MACF1: variants seen among roughly 807,000 people sequenced by gnomAD.
MACF1 encodes microtubule actin crosslinking factor 1, also known as microtubule-actin cross-linking factor 1.
Under a neutral mutation model 854.8 loss-of-function variants are expected in MACF1, and 193 were observed. The ratio of observed to expected loss-of-function variants is 0.23; its 90% confidence interval spans 0.20 to 0.25. The LOEUF is 0.25. Among genes scored for constraint, MACF1 ranks in the 10% least tolerant of loss-of-function variants. The probability of loss-of-function intolerance (pLI) is 1.00; values close to 1 mark genes in which losing one functional copy is unlikely to be tolerated. For synonymous variants in MACF1, 3,185 were observed against 3,226.7 expected (o/e 0.99, Z 0.44); for missense variants, 7,722 against 8,929.1 (o/e 0.86, Z 5.45).
At chr1:39,428,872 C>T (rs1643808794) in intron 63 of MACF1, among the ~76,000 whole-genome samples, 1 of 152,120 alleles carries the variant, frequency 6.6e-6, no homozygotes, top group Non-Finnish European at 1.5e-5. Context: ...TGATTTAAGT[C>T]AGTCTGTTCT....
At chr1:39,442,962 G>A (rs1026368046) in intron 78 of MACF1, 51 bp downstream of exon 78, 2 of 1,541,530 alleles carry the variant, frequency 1.3e-6, no homozygotes, top group African/African-American at 2.7e-5. Flanking sequence ...ATAACAGAAA[G>A]CCTATCTAAG....
At chr1:39,241,855 T>A (rs973667936) in intron 2 of MACF1, among the ~76,000 whole-genome samples, 3 of 152,120 alleles carry the variant, frequency 2.0e-5, no homozygotes, top group Non-Finnish European at 4.4e-5. Context: ...TCCAGCTAAG[T>A]GATCTTATAC....
chr1:39,186,204 CTCTCTCTCTCTGTG>C (rs1196065174), intron 2 of MACF1, among the ~76,000 whole-genome samples: 5 of 64,720 alleles, frequency 7.7e-5, no homozygotes, highest in African/African-American at 2.4e-4. Context: ...CTCTCTCTCT[CTCTCTCTCTCTGTG>C]TGTGTGTGTG....
chr1:39,332,925 C>A lies in MACF1; in HGVS notation c.6337C>A (p.Gln2113Lys), dbSNP rs2148470947. The change falls in exon 37 of 101, where the codon CAA becomes AAA. Residue 2113 changes from glutamine (Q) to lysine (K), a missense_variant. By Grantham distance (53) the Gln-to-Lys change is moderately conservative (BLOSUM62 1). Transcript: ENST00000564288. Reference protein sequence around the residue: ...LEVQRQLIGTQREDQTAVSVR... With the variant: ...LEVQRQLIGTKREDQTAVSVR... Reference sequence around the variant, plus strand: ...GGTACAAAGGCAGTTGATAGGTACCCAAAGGGAAGACCAAACAGCAGTGTC... The same window carrying A: ...GGTACAAAGGCAGTTGATAGGTACCAAAAGGGAAGACCAAACAGCAGTGTC... 1 of 1,613,976 alleles carries A rather than the reference C, an allele frequency of 6.2e-7. No individual in the cohort carries two copies. The highest frequency in any genetic ancestry group is 1.1e-5 in the South Asian group (1 of 91,050).
intron 26 of MACF1, among the ~76,000 whole-genome samples, chr1:39,311,826 G>T (rs2148437422): frequency 6.6e-6 from 1 of 152,266 alleles, no homozygotes; most frequent in Middle Eastern, 3.4e-3. Flanking sequence ...TGGTATGAGA[G>T]AGCTCTATGA....
At chr1:39,098,137 C>G (rs1641980981) in intron 2 of MACF1, among the ~76,000 whole-genome samples, 1 of 152,212 alleles carries the variant, frequency 6.6e-6, no homozygotes, top group Admixed American at 6.5e-5. Context: ...TAGCCTGATT[C>G]CTTCAAGAGT....
At chr1:39,410,820 G>A (rs1433433537) in intron 58 of MACF1, 2 of 1,613,812 alleles carry the variant, frequency 1.2e-6, no homozygotes, top group East Asian at 2.2e-5. Context: ...TGGACCACAG[G>A]GAACCTCAGT....
chr1:39,105,340 C>A lies in MACF1; in HGVS notation c.220+20902C>A. Reference sequence around the variant, plus strand: ...AGGAGGAGCCGCCGCCGCCGCCCGCCGCTGCAGCCGCGCCGGGGCGGGCTG... The same window carrying A: ...AGGAGGAGCCGCCGCCGCCGCCCGCAGCTGCAGCCGCGCCGGGGCGGGCTG... On this transcript the variant is annotated intron_variant, in intron 2 of 93. Transcript: ENST00000361689. The surrounding 1 kb of genome is among the most constrained non-coding windows in gnomAD (Gnocchi z 5.9). The A allele has an allele frequency of 1.1e-6, 1 of 930,746 alleles. No individual in the cohort carries two copies. The highest frequency in any genetic ancestry group is 1.3e-6 in the Non-Finnish European group (1 of 780,808). The allele number at this position is 930,746 out of a possible 1,614,324, so 57.7% of individuals were successfully genotyped here.
rs1275760963 is a variant in MACF1 at position 39,485,597 on chromosome 1, G to A, written c.22471G>A (p.Ala7491Thr). Residue 7491 changes from alanine (A) to threonine (T), a missense_variant, in exon 101 of 101, where the codon GCC becomes ACC. Physicochemically the swap from Ala to Thr is moderately conservative, Grantham distance 58. Around this residue, in one of 15 missense-constraint regions of MACF1, gnomAD observed 185 missense variants for 225.7 expected, o/e 0.82. Coordinates refer to ENST00000564288, the MANE Select transcript of MACF1 (RefSeq NM_001394062.1). ...SRAGSRAGSR[A>T]SSRRGSDASD... ...GGCTGGGAGTCGAGCCGGGAGTCGA[G>A]CCAGCAGCCGGCGAGGAAGTGACGC... is the stretch of plus-strand genomic sequence containing the variant. 2 of 1,613,998 alleles carry A rather than the reference G, an allele frequency of 1.2e-6. No individual in the cohort carries two copies. The highest frequency in any genetic ancestry group is 2.7e-5 in the African/African-American group (2 of 74,914).
At chr1:39,268,989 C>T (rs531157355) in intron 6 of MACF1, 10 of 1,287,050 alleles carry the variant, frequency 7.8e-6, no homozygotes, top group South Asian at 3.7e-5. Context: ...CCCCAACTCA[C>T]GGGTAGTCGA....
intron 58 of MACF1, among the ~76,000 whole-genome samples, chr1:39,388,920 C>T (rs1315745760): frequency 2.8e-5 from 4 of 143,526 alleles, no homozygotes; most frequent in Non-Finnish European, 4.5e-5. Context: ...TCTCTCTCAC[C>T]CAGGCTGGAG....
intron 52 of MACF1, among the ~76,000 whole-genome samples, chr1:39,374,540 A>G (rs1649544211): frequency 6.6e-6 from 1 of 152,192 alleles, no homozygotes; most frequent in Admixed American, 6.5e-5. Context: ...TTTTTCTATA[A>G]AGGGCCAGAT....
At chr1:39,440,882 A>G in intron 72 of MACF1, 121 bp from the exon 73 acceptor site, 1 of 887,506 alleles carries the variant, frequency 1.1e-6, no homozygotes, top group Non-Finnish European at 1.8e-6. Flanking sequence ...GTGTCCAGAT[A>G]AGTGAAACTG....
At chr1:39,437,037 A>G (rs886185140) in intron 70 of MACF1, among the ~76,000 whole-genome samples, 5 of 152,190 alleles carry the variant, frequency 3.3e-5, no homozygotes, top group African/African-American at 9.7e-5. Context: ...ATCCATTTAC[A>G]CAGCTGGTGG....
chr1:39,360,966 T>A lies in MACF1; in HGVS notation c.12418T>A (p.Ser4140Thr). ...LEGKQVSSLS[S>T]GVIQEALATN... is the part of the protein sequence containing the mutation. ...AGGGAAGCAGGTGTCATCACTCTCATCAGGAGTCATCCAGGAAGCCTTAGC... is the reference window on the plus strand; with the variant it reads ...AGGGAAGCAGGTGTCATCACTCTCAACAGGAGTCATCCAGGAAGCCTTAGC... The change falls in exon 48 of 101, where the codon TCA (serine) becomes ACA (threonine). Residue 4140 changes from serine to threonine, a missense_variant. Ser to Thr is a moderately conservative substitution (Grantham distance 58, BLOSUM62 1). Coordinates refer to ENST00000564288, the MANE Select transcript of MACF1 (RefSeq NM_001394062.1). The A allele has an allele frequency of 1.2e-6, 2 of 1,614,056 alleles. No homozygotes were observed. Among genetic ancestry groups the A allele is most frequent in the Non-Finnish European group, 1.7e-6 (2 of 1,180,004 alleles).
chr1:39,477,017 T>A (rs1450622178), intron 97 of MACF1, among the ~76,000 whole-genome samples: 1 of 146,900 alleles, frequency 6.8e-6, no homozygotes, highest in Non-Finnish European at 1.5e-5. Context: ...CTCTTAGATA[T>A]ATATACACAC....
intron 58 of MACF1, among the ~76,000 whole-genome samples, chr1:39,398,894 C>G (rs1345962319): frequency 6.6e-6 from 1 of 152,196 alleles, no homozygotes; most frequent in African/African-American, 2.4e-5. Flanking sequence ...TCAGCCCTTG[C>G]ACCAGCTGGG....
At position 39,427,567 on chromosome 1, in the gene MACF1, G is replaced by A. The variant is rs1372830151; in HGVS notation, c.16429G>A (p.Val5477Ile). Reference sequence around the variant, plus strand: ...GAAAAAGCTTGCTAACTCAGAACCTGTTGGCACTCAGACTGCCAAAATACA... The same window carrying A: ...GAAAAAGCTTGCTAACTCAGAACCTATTGGCACTCAGACTGCCAAAATACA... ...TEKKLANSEPVGTQTAKIQQQ... is the reference protein window; with the variant it reads ...TEKKLANSEPIGTQTAKIQQQ... The change falls in exon 62 of 101, where the codon GTT becomes ATT. Residue 5477 changes from valine to isoleucine, a missense_variant. Coordinates refer to ENST00000564288, the MANE Select transcript of MACF1 (RefSeq NM_001394062.1). 1 of 1,614,124 alleles carries A rather than the reference G, an allele frequency of 6.2e-7. No homozygotes were observed. The highest frequency in any genetic ancestry group is 1.1e-5 in the South Asian group (1 of 91,080).
intron 1 of MACF1, chr1:39,207,038 G>T (rs1463519492): frequency 6.6e-6 from 1 of 151,054 alleles, no homozygotes; most frequent in Admixed American, 6.6e-5. Context: ...ATAGCACATA[G>T]GTCTTGTGCC....
Sources: allele counts gnomAD v4.1 joint callset (sites outside exome capture counted in the v4.1 genomes callset), GRCh38; gene constraint gnomAD v4.1.1; regional missense constraint gnomAD v4.1.1; non-coding constraint Gnocchi (gnomAD v3.1); transcripts MANE v1.5; gene names NCBI Gene and HGNC (gene_info 2026-07-23, HGNC 2026-07-21).